The following TENM3 variants were observed in gnomAD, a reference collection of about 807,000 sequenced individuals.
TENM3 encodes teneurin-3.
In TENM3, 63 loss-of-function variants were observed where a neutral mutation model predicts 255.1. The observed-to-expected ratio is 0.25, with a 90% confidence interval of 0.20 to 0.30. The LOEUF (loss-of-function observed/expected upper bound fraction) is 0.30, where lower values mean the gene tolerates loss of function less well. Among genes scored for constraint, TENM3 ranks in the 10% least tolerant of loss-of-function variants. The pLI, the probability that TENM3 is intolerant of heterozygous loss-of-function variation, is 1.00. For synonymous variants in TENM3, 1,306 were observed against 1,322.3 expected, an observed-to-expected ratio of 0.99 and a Z score of 0.27; for missense variants, 2,929 against 3,461.1, an observed-to-expected ratio of 0.85 and a Z score of 3.86.
Position 182,566,059 on chromosome 4 carries a change from G to A in TENM3, c.512-34865G>A, listed in dbSNP as rs534696354. Among the ~76,000 whole-genome samples, 9 of 152,304 alleles carry A rather than the reference G, an allele frequency of 5.9e-5. No homozygotes were observed. In the South Asian group the frequency reaches 1.7e-3, roughly 28 times the overall value. On this transcript the variant is annotated intron_variant, in intron 3 of 27. Transcript: ENST00000511685. ...TGTTCTATAAAAGGTCAGACAGGGTGTCTTTCTCTGATTCCATCAGGCCTC... is the reference window on the plus strand; with the variant it reads ...TGTTCTATAAAAGGTCAGACAGGGTATCTTTCTCTGATTCCATCAGGCCTC...
chr4:181,804,565 T>C, the TENM3 span, among the ~76,000 whole-genome samples: 1 of 152,130 alleles, frequency 6.6e-6, no homozygotes, highest in Non-Finnish European at 1.5e-5. Flanking sequence ...ATCTGAGACT[T>C]TAAGAATAAA....
At chr4:182,006,461 G>T in the TENM3 span, among the ~76,000 whole-genome samples, 1 of 152,078 alleles carries the variant, frequency 6.6e-6, no homozygotes, top group African/African-American at 2.4e-5. Context: ...TTGGTAGGTT[G>T]TATGCATCCA....
chr4:181,492,375 T>G, the TENM3 span, among the ~76,000 whole-genome samples: 1 of 152,200 alleles, frequency 6.6e-6, no homozygotes, highest in Non-Finnish European at 1.5e-5. Context: ...CAAGAGGCAT[T>G]GTAAGTATGA....
the TENM3 span, among the ~76,000 whole-genome samples, chr4:182,011,600 G>A: frequency 6.6e-6 from 1 of 152,190 alleles, no homozygotes; most frequent in Non-Finnish European, 1.5e-5. Flanking sequence ...ACAATAGTCT[G>A]TAGAATCCAA....
At chr4:182,247,486 C>G (rs183105382) in intron 1 of TENM3, among the ~76,000 whole-genome samples, 54 of 152,308 alleles carry the variant, frequency 3.5e-4, no homozygotes, top group Admixed American at 9.8e-4. Context: ...TTGACCTCAT[C>G]CATCCAAAAA....
intron 1 of TENM3, among the ~76,000 whole-genome samples, chr4:182,154,558 T>G (rs1198050319): frequency 2.0e-5 from 3 of 152,202 alleles, no homozygotes; most frequent in Admixed American, 2.0e-4. Flanking sequence ...TGCAAGATAA[T>G]GAAGCCAGAT....
intron 3 of TENM3, among the ~76,000 whole-genome samples, chr4:182,535,560 C>A (rs1740219795): frequency 6.6e-6 from 1 of 151,632 alleles, no homozygotes; most frequent in South Asian, 2.1e-4. Flanking sequence ...CATAGTGAGA[C>A]CCCCATCTCT....
At chr4:181,460,191 A>G in the TENM3 span, among the ~76,000 whole-genome samples, 1 of 152,036 alleles carries the variant, frequency 6.6e-6, no homozygotes, top group African/African-American at 2.4e-5. Context: ...AAATTTACTT[A>G]TTAGTTCTGT....
At chr4:182,779,116 TTACATATGTA>T (rs1287872717) in intron 24 of TENM3, among the ~76,000 whole-genome samples, 3 of 151,274 alleles carry the variant, frequency 2.0e-5, no homozygotes, top group African/African-American at 4.9e-5. Flanking sequence ...TGTAGGTTAG[TTACATATGTA>T]TACATGTGCC....
chr4:182,174,002 A>G (rs13128326), intron 1 of TENM3, among the ~76,000 whole-genome samples: 40,784 of 152,042 alleles, frequency 0.27, 6,878 homozygotes, highest in Non-Finnish European at 0.39. Context: ...AATATGCTTT[A>G]GTCACTTTCT....
the TENM3 span, chr4:181,523,117 A>G: frequency 6.7e-6 from 3 of 447,042 alleles, no homozygotes; most frequent in East Asian, 4.8e-5. Flanking sequence ...TTAGTTTAAC[A>G]TCATGTATTT....
chr4:181,778,477 T>G, the TENM3 span, among the ~76,000 whole-genome samples: 1 of 152,178 alleles, frequency 6.6e-6, no homozygotes, highest in East Asian at 1.9e-4. Context: ...TTTTATCTAA[T>G]TAAAAATGAA....
At chr4:182,747,464 T>A (rs1762085055) in intron 19 of TENM3, among the ~76,000 whole-genome samples, 1 of 152,198 alleles carries the variant, frequency 6.6e-6, no homozygotes, top group Non-Finnish European at 1.5e-5. Context: ...ACATAGAAGC[T>A]GCTACAATTC....
chr4:182,611,869 C>T (rs968708028), intron 4 of TENM3, among the ~76,000 whole-genome samples: 4 of 152,106 alleles, frequency 2.6e-5, no homozygotes, highest in African/African-American at 9.7e-5. Context: ...TTGAACAGGT[C>T]AGCAAAATTG....
chr4:182,198,443 T>C (rs181143763), intron 1 of TENM3, among the ~76,000 whole-genome samples: 2 of 152,388 alleles, frequency 1.3e-5, no homozygotes, highest in Admixed American at 6.5e-5. Context: ...CCTCAGTCGG[T>C]TGTCAGAGCG....
In TENM3 at chr4:182,359,256, C is replaced by G. The variant is rs570567360; in HGVS notation, c.511+12327C>G. 6.9e-3 allele frequency among the ~76,000 whole-genome samples: 1,044 copies of G among 152,268 alleles called. 5 individuals are homozygous for G. The highest frequency in any genetic ancestry group is 0.01 in the Non-Finnish European group (705 of 68,022). On this transcript the variant is annotated intron_variant, in intron 3 of 27. Coordinates refer to ENST00000511685, the MANE Select transcript of TENM3 (RefSeq NM_001080477.4). Reference sequence around the variant, plus strand: ...CATAAAATGAGTTAGGGAGGATTCTCTCTTTTTCTATTGATTCGAATAGTT... The same window carrying G: ...CATAAAATGAGTTAGGGAGGATTCTGTCTTTTTCTATTGATTCGAATAGTT...
the TENM3 span, among the ~76,000 whole-genome samples, chr4:182,012,226 T>C: frequency 6.6e-5 from 10 of 152,194 alleles, no homozygotes; most frequent in African/African-American, 2.4e-4. Context: ...GTGATCATCA[T>C]TAGATAGTTA....
chr4:181,652,763 C>A, the TENM3 span, among the ~76,000 whole-genome samples: 2 of 152,124 alleles, frequency 1.3e-5, no homozygotes, highest in South Asian at 4.1e-4. Flanking sequence ...TAATAGTAAT[C>A]AATGTTTTCA....
chr4:181,633,968 T>C, the TENM3 span, among the ~76,000 whole-genome samples: 1 of 152,214 alleles, frequency 6.6e-6, no homozygotes, highest in Non-Finnish European at 1.5e-5. Context: ...GAAGATCTCC[T>C]CTTTCACCTT....
Sources: gnomAD v4.1 joint callset for allele counts (sites outside exome capture counted in the v4.1 genomes callset) on GRCh38, gnomAD v4.1.1 for gene constraint, MANE v1.5 for transcripts, NCBI Gene and HGNC (gene_info 2026-07-23, HGNC 2026-07-21) for gene names.